The following PTGS2 variants were observed in gnomAD, a reference collection of about 807,000 sequenced individuals.
PTGS2 encodes prostaglandin G/H synthase 2.
PTGS2 carries 14 observed loss-of-function variants against 63.8 expected under a neutral mutation model. The observed-to-expected ratio is 0.22, with a 90% confidence interval of 0.14 to 0.34. The LOEUF (loss-of-function observed/expected upper bound fraction) is 0.34. Among genes scored for constraint, PTGS2 ranks in the 10% least tolerant of loss-of-function variants. The pLI is 1.00. For synonymous variants in PTGS2, 271 were observed against 259.5 expected (o/e 1.04, Z -0.43); for missense variants, 533 against 738.5 (o/e 0.72, Z 3.23).
At position 186,673,434 on chromosome 1, in the gene PTGS2, G is replaced by T. The variant is rs201157576; in HGVS notation, c.*919C>A. 5 of 152,100 alleles carry T rather than the reference G, an allele frequency of 3.3e-5. No homozygotes were observed. Among genetic ancestry groups the T allele is most frequent in the African/African-American group, 1.2e-4 (5 of 41,434 alleles). 9.4% of individuals were successfully genotyped at this position (152,100 alleles called of 1,614,324 possible). ...GAACAATAATTTGGTTTTCTTCTTTGTTATTGCTTATTTTAAAGGTAGACC... is the reference window on the plus strand; with the variant it reads ...GAACAATAATTTGGTTTTCTTCTTTTTTATTGCTTATTTTAAAGGTAGACC... On this transcript the variant is annotated 3_prime_UTR_variant, in exon 10 of 10. Coordinates refer to ENST00000367468, the MANE Select transcript of PTGS2 (RefSeq NM_000963.4).
intron 3 of PTGS2, 59 bp downstream of exon 3, chr1:186,678,999 T>C: frequency 1.3e-6 from 2 of 1,540,440 alleles, no homozygotes; most frequent in Non-Finnish European, 1.8e-6. Context: ...GCTTACAGTA[T>C]TATAAAGCAT....
chr1:186,672,359 C>T lies in PTGS2; in HGVS notation c.*1994G>A, dbSNP rs1665703571. ...TATTCTTTGTGGGCTAGCACATAGGCCTATCCTAAGGACAAACATTCAACC... is the reference window on the plus strand; with the variant it reads ...TATTCTTTGTGGGCTAGCACATAGGTCTATCCTAAGGACAAACATTCAACC... On this transcript the variant is annotated 3_prime_UTR_variant, in exon 10 of 10. Coordinates refer to ENST00000367468, the MANE Select transcript of PTGS2 (RefSeq NM_000963.4). 1 of 152,062 alleles carries T rather than the reference C, an allele frequency of 6.6e-6. No individual in the cohort carries two copies. The highest frequency in any genetic ancestry group is 1.5e-5 in the Non-Finnish European group (1 of 67,950). The allele number at this position is 152,062 out of a possible 1,614,324, so 9.4% of individuals were successfully genotyped here. A position where few individuals can be genotyped will look rare whatever the true frequency, so the allele number is the denominator to read the frequency against.
In PTGS2 at chr1:186,676,946, T is replaced by C. The variant is rs1162354935; in HGVS notation, c.640-30A>G. 1.9e-6 allele frequency: 3 copies of C among 1,558,228 alleles called. No homozygotes were observed. In the South Asian group the frequency reaches 3.5e-5, roughly 18 times the overall value. ...AAAATGATGAAAAAATTTTAATTTGTTGCTGTTGAAGTTTTTCTTATATAA... is the reference window on the plus strand; with the variant it reads ...AAAATGATGAAAAAATTTTAATTTGCTGCTGTTGAAGTTTTTCTTATATAA... On this transcript the variant is annotated intron_variant, in intron 5 of 9. Transcript: ENST00000367468.
At chr1:186,680,192 C>A (rs759365227) in intron 1 of PTGS2, 47 bp downstream of exon 1, 2 of 1,549,780 alleles carry the variant, frequency 1.3e-6, no homozygotes, top group Non-Finnish European at 1.7e-6. Context: ...AAACTCTGCC[C>A]GGGTGCGTGG....
At chr1:186,674,905 G>GTGAGCCAC in intron 9 of PTGS2, 143 bp from the exon 10 acceptor site, 2 of 1,047,732 alleles carry the variant, frequency 1.9e-6, no homozygotes, top group Non-Finnish European at 2.7e-6. Context: ...GGGGCCAGGC[G>GTGAGCCAC]CGGTGGCTCA....
Position 186,678,267 on chromosome 1 carries a change from C to T in PTGS2, c.451G>A (p.Val151Ile). 6.2e-7 allele frequency: 1 copy of T among 1,605,842 alleles called. No individual in the cohort carries two copies. Among genetic ancestry groups the T allele is most frequent in the Non-Finnish European group, 8.5e-7 (1 of 1,176,606 alleles). ...ATGGATTCTTCTTACTCACCTTTGA[C>T]ACCCAAGGGAGTCGGGCAATCATCA... is the stretch of plus-strand genomic sequence containing the variant. Reference protein sequence around the residue: ...VPDDCPTPLGVKGKKQLPDSN... With the variant: ...VPDDCPTPLGIKGKKQLPDSN... The change falls in exon 4 of 10, where the codon GTC (valine) becomes ATC (isoleucine). Residue 151 changes from valine to isoleucine, a missense_variant. Val to Ile is a conservative substitution (Grantham distance 29). Coordinates refer to ENST00000367468, the MANE Select transcript of PTGS2 (RefSeq NM_000963.4).
chr1:186,675,470 TA>T, intron 8 of PTGS2, 74 bp from the exon 9 acceptor site: 1 of 1,529,204 alleles, frequency 6.5e-7, no homozygotes. Flanking sequence ...TTGCCTTAGG[TA>T]CAAATCAGGT....
chr1:186,677,870 A>T, intron 4 of PTGS2, 40 bp from the exon 5 acceptor site: 2 of 1,580,788 alleles, frequency 1.3e-6, no homozygotes, highest in Non-Finnish European at 8.6e-7. Flanking sequence ...CCATCTATGT[A>T]TTCAAGAAAG....
In PTGS2 at chr1:186,675,271, A is replaced by G. The variant is rs61757788; in HGVS notation, c.1383T>C (p.Tyr461=). The part of the protein sequence containing the change: ...EYRKRFMLKP[Y]ESFEELTGEK... ...TACCTGTAAGTTCTTCAAATGATTCATAGGGCTTCAGCATAAAGCGTTTGC... is the reference window on the plus strand; with the variant it reads ...TACCTGTAAGTTCTTCAAATGATTCGTAGGGCTTCAGCATAAAGCGTTTGC... The change falls in exon 9 of 10, where the codon TAT becomes TAC. Residue 461 remains tyrosine (Y), a synonymous_variant. Transcript: ENST00000367468. 1 of 1,613,568 alleles carries G rather than the reference A, an allele frequency of 6.2e-7. No individual in the cohort carries two copies. The highest frequency in any genetic ancestry group is 8.5e-7 in the Non-Finnish European group (1 of 1,179,904).
intron 1 of PTGS2, among the ~76,000 whole-genome samples, 155 bp downstream of exon 1, chr1:186,680,084 T>C (rs185136094): frequency 1.3e-5 from 2 of 152,308 alleles, no homozygotes; most frequent in Non-Finnish European, 2.9e-5. Context: ...CACGGAGTTC[T>C]TTCGAACTCT....
intron 5 of PTGS2, among the ~76,000 whole-genome samples, chr1:186,677,309 G>A (rs905694182): frequency 6.6e-6 from 1 of 151,976 alleles, no homozygotes; most frequent in Non-Finnish European, 1.5e-5. Context: ...TATTGAAAGC[G>A]GCATAATCAT....
chr1:186,679,150 A>G lies in PTGS2; in HGVS notation c.221T>C (p.Val74Ala). Residue 74 changes from valine (V) to alanine (A), a missense_variant, in exon 3 of 10, where the codon GTG becomes GCG. By Grantham distance (64) the Val-to-Ala change is moderately conservative. Around this residue, in one of 5 missense-constraint regions of PTGS2, gnomAD observed 118 missense variants for 144.6 expected, o/e 0.82. Transcript: ENST00000367468. The part of the protein sequence containing the change: ...KLFLKPTPNT[V>A]HYILTHFKGF... ...CTTGAAGTGGGTAAGTATGTAGTGC[A>G]CTGTGTTTGGAGTGGGTTTCAGAAA... 6.2e-7 allele frequency: 1 copy of G among 1,614,024 alleles called. No individual in the cohort carries two copies. The highest frequency in any genetic ancestry group is 8.5e-7 in the Non-Finnish European group (1 of 1,179,964).
rs34888870 is a variant in PTGS2, at chr1:186,680,315, C to CG, written c.-26dup. 2 of 1,527,446 alleles carry CG rather than the reference C, an allele frequency of 1.3e-6. No individual in the cohort carries two copies. The highest frequency in any genetic ancestry group is 2.0e-5 in the Admixed American group (1 of 49,194). 94.6% of individuals were successfully genotyped at this position (1,527,446 alleles called of 1,614,324 possible). The stretch of plus-strand genomic sequence containing the variant: ...TCGCAGCGGCGGGCAGGGCGCGGCG[C>CG]GGGGGTAGGCTTTGCTGTCTGAGGG... On this transcript the variant is annotated 5_prime_UTR_variant, in exon 1 of 10. Coordinates refer to ENST00000367468, the MANE Select transcript of PTGS2 (RefSeq NM_000963.4).
intron 7 of PTGS2, 123 bp downstream of exon 7, chr1:186,676,344 A>T: frequency 7.2e-7 from 1 of 1,393,446 alleles, no homozygotes; most frequent in Non-Finnish European, 9.8e-7. Flanking sequence ...TTACATATTT[A>T]ATGTATATAG....
At chr1:186,677,999 A>T (rs1159073613) in intron 4 of PTGS2, among the ~76,000 whole-genome samples, 169 bp from the exon 5 acceptor site, 1 of 152,206 alleles carries the variant, frequency 6.6e-6, no homozygotes, top group Non-Finnish European at 1.5e-5. Context: ...TTACTGAATG[A>T]TTTTATCTAT....
Position 186,674,701 on chromosome 1 carries a change from C to G in PTGS2, c.1467G>C (p.Leu489=), listed in dbSNP as rs1005909486. 41 of 1,614,088 alleles carry G rather than the reference C, an allele frequency of 2.5e-5. No homozygotes were observed. Among genetic ancestry groups the G allele is most frequent in the Non-Finnish European group, 3.5e-5 (41 of 1,180,026 alleles). Residue 489 remains leucine, a synonymous_variant, in exon 10 of 10, where the codon CTG becomes CTC. Coordinates refer to ENST00000367468, the MANE Select transcript of PTGS2 (RefSeq NM_000963.4). The stretch of plus-strand genomic sequence containing the variant: ...GCTTTTCTACCAGAAGGGCAGGATA[C>G]AGCTCCACAGCATCGATGTCACCAT... ...ALYGDIDAVE[L]YPALLVEKPR...
chr1:186,674,595 T>C lies in PTGS2; in HGVS notation c.1573A>G (p.Ile525Val), dbSNP rs199820825. 10 of 1,614,070 alleles carry C rather than the reference T, an allele frequency of 6.2e-6. No homozygotes were observed. In the African/African-American group the frequency reaches 6.7e-5, roughly 11 times the overall value. Residue 525 changes from isoleucine to valine, a missense_variant, in exon 10 of 10, where the codon ATA (isoleucine) becomes GTA (valine). Ile to Val is a conservative substitution (Grantham distance 29). Transcript: ENST00000367468. Reference sequence around the variant, plus strand: ...GGCTTCCAGTAGGCAGGAGAACATATAACATTACCCATAAGTCCTTTCAAG... The same window carrying C: ...GGCTTCCAGTAGGCAGGAGAACATACAACATTACCCATAAGTCCTTTCAAG... ...FSLKGLMGNV[I>V]CSPAYWKPST...
Position 186,679,329 on chromosome 1 carries a change from G to A in PTGS2, c.162C>T (p.Cys54=). The A allele has an allele frequency of 6.2e-7, 1 of 1,614,064 alleles. No individual in the cohort carries two copies. The highest frequency in any genetic ancestry group is 8.5e-7 in the Non-Finnish European group (1 of 1,179,954). ...ACCAAAGGACAAACTTACGTGTTGA[G>A]CAGTTTTCTCCATAGAATCCTGTCC... ...CTRTGFYGEN[C]STPEFLTRIK... Residue 54 remains cysteine (C), a synonymous_variant, in exon 2 of 10, where the codon TGC becomes TGT. Transcript: ENST00000367468.
In PTGS2 at chr1:186,671,792, A is replaced by G. The variant is rs1013984453; in HGVS notation, c.*2561T>C. The G allele has an allele frequency of 4.6e-5, 7 of 152,196 alleles. No individual in the cohort carries two copies. Among genetic ancestry groups the G allele is most frequent in the African/African-American group, 1.7e-4 (7 of 41,458 alleles). 9.4% of individuals were successfully genotyped at this position (152,196 alleles called of 1,614,324 possible). On this transcript the variant is annotated 3_prime_UTR_variant, in exon 10 of 10. Transcript: ENST00000367468. ...ATCTTATGTCATATGACAAAGATGT[A>G]TAGAAACAATCAAAGTTTATCTTCA...
Sources: gnomAD v4.1 joint callset for allele counts (sites outside exome capture counted in the v4.1 genomes callset) on GRCh38, gnomAD v4.1.1 for gene constraint, gnomAD v4.1.1 regional missense constraint, MANE v1.5 for transcripts, NCBI Gene and HGNC (gene_info 2026-07-23, HGNC 2026-07-21) for gene names.